Variants in RNGTT observed in about 807,000 individuals in gnomAD.
RNGTT encodes RNA guanylyltransferase and 5'-phosphatase.
Under a neutral mutation model 79.3 loss-of-function variants are expected in RNGTT, and 33 were observed. The ratio of observed to expected loss-of-function variants is 0.42; its 90% CI spans 0.32 to 0.56. RNGTT has a LOEUF of 0.56. Among genes scored for constraint, RNGTT ranks in the 20% least tolerant of loss-of-function variants. The probability of loss-of-function intolerance (pLI) is 0.17; values close to 1 mark genes in which losing one functional copy is unlikely to be tolerated. For missense variants in RNGTT, 497 were observed against 739.1 expected, an observed-to-expected ratio of 0.67 and a Z score of 3.80; for synonymous variants, 222 against 235.9, an observed-to-expected ratio of 0.94 and a Z score of 0.54.
At chr6:88,853,920 A>T (rs1781758547) in intron 8 of RNGTT, among the ~76,000 whole-genome samples, 156 bp from the exon 9 acceptor site, 5 of 151,494 alleles carry the variant, frequency 3.3e-5, no homozygotes, top group Admixed American at 2.6e-4. Flanking sequence ...CACAAATAAT[A>T]ATTTTTTTTT....
intron 13 of RNGTT, among the ~76,000 whole-genome samples, chr6:88,703,381 A>T (rs1372700904): frequency 6.6e-6 from 1 of 152,238 alleles, no homozygotes; most frequent in Non-Finnish European, 1.5e-5. Flanking sequence ...AAAAAGGACA[A>T]AATCATGTCC....
chr6:88,637,748 C>A (rs909618193), intron 14 of RNGTT, among the ~76,000 whole-genome samples: 1 of 152,074 alleles, frequency 6.6e-6, no homozygotes, highest in African/African-American at 2.4e-5. Flanking sequence ...TAAAATAAGG[C>A]CCCATCTGCA....
At position 88,894,174 on chromosome 6, in the gene RNGTT, T is replaced by C. The variant is rs114073296; in HGVS notation, c.685-2259A>G. Among the ~76,000 whole-genome samples, 1,039 of 152,268 alleles carry C rather than the reference T, an allele frequency of 6.8e-3. 15 individuals are homozygous for C. The highest frequency in any genetic ancestry group is 0.024 in the African/African-American group (995 of 41,548). ...GCACGTGCTGATACTGCTCATTATTTCATTATATCAGCCCTTCCAAATCTT... is the reference window on the plus strand; with the variant it reads ...GCACGTGCTGATACTGCTCATTATTCCATTATATCAGCCCTTCCAAATCTT... On this transcript the variant is annotated intron_variant, in intron 6 of 15. Coordinates refer to ENST00000369485, the MANE Select transcript of RNGTT (RefSeq NM_003800.5).
chr6:88,718,379 T>A (rs1370896604), intron 13 of RNGTT, among the ~76,000 whole-genome samples: 1 of 146,980 alleles, frequency 6.8e-6, no homozygotes, highest in African/African-American at 2.5e-5. Context: ...AGAGTGAGAC[T>A]GTCTCTCAAA....
chr6:88,713,990 T>C (rs917530222), intron 13 of RNGTT, among the ~76,000 whole-genome samples: 2 of 152,166 alleles, frequency 1.3e-5, no homozygotes, highest in Non-Finnish European at 2.9e-5. Flanking sequence ...AGAAAACATT[T>C]AGAGTTCCAA....
intron 10 of RNGTT, among the ~76,000 whole-genome samples, chr6:88,849,280 T>C (rs939824706): frequency 6.6e-6 from 1 of 152,024 alleles, no homozygotes; most frequent in African/African-American, 2.4e-5. Flanking sequence ...ATCAAAAAAT[T>C]AGATGTGTGC....
intron 1 of RNGTT, among the ~76,000 whole-genome samples, chr6:88,942,411 GC>G (rs1333128196): frequency 1.3e-5 from 2 of 151,798 alleles, no homozygotes; most frequent in Non-Finnish European, 2.9e-5. Context: ...TCACTCTGTT[GC>G]CCAGGCTGGA....
intron 2 of RNGTT, among the ~76,000 whole-genome samples, chr6:88,933,635 C>T (rs1271371025): frequency 1.3e-5 from 2 of 152,134 alleles, no homozygotes; most frequent in Non-Finnish European, 2.9e-5. Context: ...ATGAAATCAA[C>T]TTTTTTGGCT....
intron 11 of RNGTT, among the ~76,000 whole-genome samples, chr6:88,813,689 C>T (rs1336594890): frequency 1.3e-5 from 2 of 152,156 alleles, no homozygotes; most frequent in African/African-American, 4.8e-5. Flanking sequence ...TGCATTCTGG[C>T]TCCAGAGTCC....
chr6:88,631,308 T>C (rs1772874608), intron 14 of RNGTT, among the ~76,000 whole-genome samples: 1 of 152,218 alleles, frequency 6.6e-6, no homozygotes, highest in African/African-American at 2.4e-5. Context: ...CTTAAACATA[T>C]GAATGAGATA....
chr6:88,791,729 C>T (rs376579831), intron 12 of RNGTT, among the ~76,000 whole-genome samples: 38 of 152,052 alleles, frequency 2.5e-4, no homozygotes, highest in Admixed American at 7.2e-4. Flanking sequence ...TTAGTAGAGA[C>T]AGGGTTTCAC....
chr6:88,664,048 G>C (rs1158049188), intron 14 of RNGTT, among the ~76,000 whole-genome samples: 1 of 152,142 alleles, frequency 6.6e-6, no homozygotes, highest in Non-Finnish European at 1.5e-5. Context: ...CAACTAAGTG[G>C]CTGGAAGAGC....
At chr6:88,706,979 C>T (rs1383204380) in intron 13 of RNGTT, among the ~76,000 whole-genome samples, 1 of 152,074 alleles carries the variant, frequency 6.6e-6, no homozygotes, top group Non-Finnish European at 1.5e-5. Flanking sequence ...AAAGAGAAGT[C>T]AATTCCTTTA....
At chr6:88,886,261 G>A (rs538710535) in intron 8 of RNGTT, among the ~76,000 whole-genome samples, 71 of 152,136 alleles carry the variant, frequency 4.7e-4, no homozygotes, top group African/African-American at 6.5e-4. Context: ...AGCAGAGATC[G>A]CGCCACTGTA....
intron 13 of RNGTT, among the ~76,000 whole-genome samples, chr6:88,735,637 A>C (rs1413770095): frequency 2.0e-5 from 3 of 151,954 alleles, no homozygotes; most frequent in African/African-American, 7.2e-5. Flanking sequence ...TTTTGAACTA[A>C]ATTAAAATGA....
At chr6:88,930,342 A>G (rs1784480197) in intron 2 of RNGTT, among the ~76,000 whole-genome samples, 1 of 151,764 alleles carries the variant, frequency 6.6e-6, no homozygotes. Flanking sequence ...AAACAAGGTT[A>G]AAAATAGAGA....
chr6:88,863,463 A>G (rs1201053855), intron 8 of RNGTT, among the ~76,000 whole-genome samples: 1 of 152,180 alleles, frequency 6.6e-6, no homozygotes, highest in Admixed American at 6.5e-5. Flanking sequence ...ATTCATCACA[A>G]GTAAATTTTG....
At position 88,938,093 on chromosome 6, in the gene RNGTT, T is replaced by C. The variant is rs549761033; in HGVS notation, c.174+2978A>G. ...TTAAATCCAATGTTTGTTAATTTTC[T>C]GTCTTGACAATCTGTCTAATGATGA... On this transcript the variant is annotated intron_variant, in intron 2 of 15. Coordinates refer to ENST00000369485, the MANE Select transcript of RNGTT (RefSeq NM_003800.5). Among the ~76,000 whole-genome samples, 5 of 152,350 alleles carry C rather than the reference T, an allele frequency of 3.3e-5. No individual in the cohort carries two copies. The East Asian group carries it at 9.6e-4, about 29-fold the overall frequency.
intron 13 of RNGTT, among the ~76,000 whole-genome samples, chr6:88,764,545 C>T (rs1303527714): frequency 1.3e-5 from 2 of 152,162 alleles, no homozygotes; most frequent in African/African-American, 4.8e-5. Context: ...GTGAAAAAGA[C>T]ATTGAATATT....
Sources: allele counts gnomAD v4.1 joint callset (sites outside exome capture counted in the v4.1 genomes callset), GRCh38; gene constraint gnomAD v4.1.1; transcripts MANE v1.5; gene names NCBI Gene and HGNC (gene_info 2026-07-23, HGNC 2026-07-21).